The following TTF2 variants were observed in gnomAD, a reference collection of about 807,000 sequenced individuals.
TTF2 encodes transcription termination factor 2.
A neutral mutation model predicts 142.4 loss-of-function variants in TTF2; 108 were observed. The observed-to-expected ratio is 0.76, with a 90% CI of 0.65 to 0.89. The LOEUF (loss-of-function observed/expected upper bound fraction) is 0.89. TTF2 is among the 40% of genes least tolerant of loss of function. The probability of loss-of-function intolerance (pLI) is 0.00; values close to 1 mark genes in which losing one functional copy is unlikely to be tolerated. For missense variants in TTF2, 1,327 were observed against 1,379.8 expected, an observed-to-expected ratio of 0.96 and a Z score of 0.61; for synonymous variants, 483 against 506.2, an observed-to-expected ratio of 0.95 and a Z score of 0.61.
chr1:117,092,740 C>T lies in TTF2; in HGVS notation c.2815C>T (p.Pro939Ser). 1 of 1,613,992 alleles carries T rather than the reference C, an allele frequency of 6.2e-7. No homozygotes were observed. Among genetic ancestry groups the T allele is most frequent in the Non-Finnish European group, 8.5e-7 (1 of 1,179,976 alleles). ...TTTTTTGTCTGTTCAGGCCCTGGAT[C>T]CAATGGAACTGAAGGGTGAAGGTCT... ...HLSLLKSALD[P>S]MELKGEGLVL... The change falls in exon 18 of 23, where the codon CCA becomes TCA. Residue 939 changes from proline to serine, a missense_variant. By Grantham distance (74) the Pro-to-Ser change is moderately conservative. Transcript: ENST00000369466. This position sits in a 1 kb window ranked among gnomAD's most constrained non-coding sequence, Gnocchi z 4.4.
rs188153197 is a variant in TTF2, at chr1:117,079,066, C to T, written c.1702-502C>T. Among the ~76,000 whole-genome samples, 2 of 152,138 alleles carry T rather than the reference C, an allele frequency of 1.3e-5. No homozygotes were observed. Among genetic ancestry groups the T allele is most frequent in the East Asian group, 1.9e-4 (1 of 5,170 alleles). On this transcript the variant is annotated intron_variant, in intron 8 of 22. Transcript: ENST00000369466. This position sits in a 1 kb window ranked among gnomAD's most constrained non-coding sequence, Gnocchi z 4.2. Reference sequence around the variant, plus strand: ...ACTAGCCTGGCCAACATGGTGAAACCCCATCTCTACTAAAAATAAGAAAAT... The same window carrying T: ...ACTAGCCTGGCCAACATGGTGAAACTCCATCTCTACTAAAAATAAGAAAAT...
chr1:117,067,948 T>G (rs1320041125), intron 3 of TTF2, among the ~76,000 whole-genome samples: 1 of 152,248 alleles, frequency 6.6e-6, no homozygotes, highest in African/African-American at 2.4e-5. Flanking sequence ...TGTGCAGATC[T>G]CTAACTGAAA....
intron 4 of TTF2, 30 bp from the exon 5 acceptor site, chr1:117,074,840 T>G: frequency 5.9e-6 from 9 of 1,518,474 alleles, no homozygotes; most frequent in Non-Finnish European, 7.9e-6. Flanking sequence ...TATTAATATT[T>G]TATATGAAGA....
intron 3 of TTF2, among the ~76,000 whole-genome samples, chr1:117,067,490 AC>A (rs1656233973): frequency 7.0e-6 from 1 of 143,570 alleles, no homozygotes; most frequent in Non-Finnish European, 1.5e-5. Flanking sequence ...ACATCATTAC[AC>A]TCCAACCTGG....
chr1:117,060,758 C>T (rs1655607240), intron 2 of TTF2, among the ~76,000 whole-genome samples: 2 of 152,174 alleles, frequency 1.3e-5, no homozygotes, highest in Admixed American at 1.3e-4. Flanking sequence ...CTGTGTGACC[C>T]GAGGCTGGTT....
Position 117,086,363 on chromosome 1 carries a change from C to A in TTF2, c.2055-54C>A. ...ATTGAAAGATCAACTCTGCCTCTCT[C>A]ATTGTCCCTCTATAGTGGGACCATT... On this transcript the variant is annotated intron_variant, in intron 11 of 22. Transcript: ENST00000369466. This position sits in a 1 kb window ranked among gnomAD's most constrained non-coding sequence, Gnocchi z 4.2. The A allele has an allele frequency of 4.6e-6, 6 of 1,298,224 alleles. No homozygotes were observed. In the Admixed American group the frequency reaches 1.0e-4, roughly 22 times the overall value. The allele number at this position is 1,298,224 out of a possible 1,614,324, so 80.4% of individuals were successfully genotyped here.
Position 117,090,049 on chromosome 1 carries a change from A to C in TTF2, c.2343-6A>C, listed in dbSNP as rs568930776. On this transcript the variant is annotated splice_polypyrimidine_tract_variant and splice_region_variant and intron_variant, in intron 13 of 22. Transcript: ENST00000369466. This position sits in a 1 kb window ranked among gnomAD's most constrained non-coding sequence, Gnocchi z 4.8. The stretch of plus-strand genomic sequence containing the variant: ...TACTCTGTGCCCTTCTTCCTCAACA[A>C]AAAAGGTTTCTCCGTTGCTCTCCAT... 1.1e-5 allele frequency: 17 copies of C among 1,612,164 alleles called. 1 individual carries two copies. In the South Asian group the frequency reaches 1.3e-4, roughly 13 times the overall value.
Position 117,101,374 on chromosome 1 carries a change from T to C in TTF2, c.3345-6T>C. On this transcript the variant is annotated splice_region_variant and splice_polypyrimidine_tract_variant and intron_variant, in intron 22 of 22. Transcript: ENST00000369466. This position sits in a 1 kb window ranked among gnomAD's most constrained non-coding sequence, Gnocchi z 5.9. ...AGTTTGCTTATTTTTTGTTTTTGTT[T>C]TTTAGATTTGTTTGTGAGGGAACAG... The C allele has an allele frequency of 6.4e-7, 1 of 1,573,676 alleles. No homozygotes were observed. Among genetic ancestry groups the C allele is most frequent in the Non-Finnish European group, 8.6e-7 (1 of 1,169,142 alleles).
intron 4 of TTF2, among the ~76,000 whole-genome samples, chr1:117,074,311 G>A (rs1160733789): frequency 6.6e-6 from 1 of 152,120 alleles, no homozygotes; most frequent in Non-Finnish European, 1.5e-5. Flanking sequence ...TAAGAGAATA[G>A]TTTTTTTCCT....
Position 117,063,630 on chromosome 1 carries a change from A to G in TTF2, c.218+1157A>G, listed in dbSNP as rs1177706786. Among the ~76,000 whole-genome samples, 1 of 152,100 alleles carries G rather than the reference A, an allele frequency of 6.6e-6. No homozygotes were observed. Among genetic ancestry groups the G allele is most frequent in the African/African-American group, 2.4e-5 (1 of 41,414 alleles). On this transcript the variant is annotated intron_variant, in intron 3 of 22. Coordinates refer to ENST00000369466, the MANE Select transcript of TTF2 (RefSeq NM_003594.4). This position sits in a 1 kb window ranked among gnomAD's most constrained non-coding sequence, Gnocchi z 4.1. ...ATGCACCACTTTGTTTGGTGTGCCT[A>G]TTTGCCATCAGAAAATCTCGACGTT...
In TTF2 at chr1:117,102,857, C is replaced by T. The variant is rs1649694032; in HGVS notation, c.*1333C>T. The T allele has an allele frequency of 6.6e-6, 1 of 152,280 alleles. No individual in the cohort carries two copies. Among genetic ancestry groups the T allele is most frequent in the Admixed American group, 6.5e-5 (1 of 15,300 alleles). 9.4% of individuals were successfully genotyped at this position (152,280 alleles called of 1,614,324 possible). A position where few individuals can be genotyped will look rare whatever the true frequency, so the allele number is the denominator to read the frequency against. On this transcript the variant is annotated 3_prime_UTR_variant, in exon 23 of 23. Transcript: ENST00000369466. ...ACAATCTAATAAATAATGTGTTTGA[C>T]AGTGTAGCAGAAATAATGCTATGTG...
chr1:117,098,573 A>G, intron 21 of TTF2: 1 of 317,614 alleles, frequency 3.1e-6, no homozygotes, highest in Non-Finnish European at 5.8e-6. Context: ...ATCTGGCACC[A>G]GCTTGTCTTA....
Position 117,087,095 on chromosome 1 carries a change from C to T in TTF2, c.2160+573C>T, listed in dbSNP as rs187326316. The stretch of plus-strand genomic sequence containing the variant: ...ATACTCTGAAAATACAGTATTATCC[C>T]AAGAACTCATTTTTCTATATGTTAT... On this transcript the variant is annotated intron_variant, in intron 12 of 22. Transcript: ENST00000369466. This position sits in a 1 kb window ranked among gnomAD's most constrained non-coding sequence, Gnocchi z 4.8. 1.3e-5 allele frequency among the ~76,000 whole-genome samples: 2 copies of T among 152,066 alleles called. No individual in the cohort carries two copies. The highest frequency in any genetic ancestry group is 6.5e-5 in the Admixed American group (1 of 15,272).
At chr1:117,094,841 G>A (rs1030178587) in intron 18 of TTF2, 4 of 351,774 alleles carry the variant, frequency 1.1e-5, no homozygotes, top group East Asian at 1.7e-4. Flanking sequence ...ATAGTACTTG[G>A]GCAGTGGGCA....
At chr1:117,060,989 T>C (rs992804538) in intron 2 of TTF2, among the ~76,000 whole-genome samples, 2 of 152,162 alleles carry the variant, frequency 1.3e-5, no homozygotes, top group African/African-American at 4.8e-5. Flanking sequence ...TTTTAAATGT[T>C]TGAGCTTAAA....
At position 117,091,871 on chromosome 1, in the gene TTF2, C is replaced by T. The variant is rs748491105; in HGVS notation, c.2726C>T (p.Pro909Leu). The T allele has an allele frequency of 8.1e-6, 13 of 1,613,524 alleles. No homozygotes were observed. Among genetic ancestry groups the T allele is most frequent in the African/African-American group, 2.7e-5 (2 of 74,838 alleles). ...AGACACTCGGAGGCAGCAGACTCAC[C>T]GAGATCCAGCACCGTCCACATACTG... is the stretch of plus-strand genomic sequence containing the variant. ...EPRHSEAADS[P>L]RSSTVHILSQ... Residue 909 changes from proline to leucine, a missense_variant, in exon 17 of 23, where the codon CCG becomes CTG. Transcript: ENST00000369466.
At chr1:117,062,299 T>C (rs1453464553) in intron 2 of TTF2, 88 bp from the exon 3 acceptor site, 3 of 1,197,152 alleles carry the variant, frequency 2.5e-6, no homozygotes, top group South Asian at 1.4e-5. Context: ...AGATTCTTGG[T>C]GTAAAAACCC....
chr1:117,081,741 A>G (rs1427934137), intron 9 of TTF2, 87 bp from the exon 10 acceptor site: 1 of 1,498,590 alleles, frequency 6.7e-7, no homozygotes, highest in Non-Finnish European at 9.0e-7. Context: ...CAATGGGGAA[A>G]TGTCTGCCAG....
chr1:117,096,777 G>A (rs990618634), intron 20 of TTF2, among the ~76,000 whole-genome samples: 2 of 152,226 alleles, frequency 1.3e-5, no homozygotes, highest in Non-Finnish European at 2.9e-5. Flanking sequence ...TACTTTTAAA[G>A]AGCACAAATA....
Sources: gnomAD v4.1 joint callset for allele counts (sites outside exome capture counted in the v4.1 genomes callset) on GRCh38, gnomAD v4.1.1 for gene constraint, Gnocchi (gnomAD v3.1) non-coding constraint, MANE v1.5 for transcripts, NCBI Gene and HGNC (gene_info 2026-07-23, HGNC 2026-07-21) for gene names.